The following SYDE2 variants were observed in gnomAD, a reference collection of about 807,000 sequenced individuals.
SYDE2 encodes the protein synapse defective Rho GTPase homolog 2.
In SYDE2, 76 loss-of-function variants were observed where a neutral mutation model predicts 91.5. The observed-to-expected ratio is 0.83, with a 90% confidence interval of 0.69 to 1.01. The LOEUF (loss-of-function observed/expected upper bound fraction) is 1.01, where lower values mean the gene tolerates loss of function less well. SYDE2 is among the 50% of genes least tolerant of loss of function. The pLI is 0.00. For missense variants in SYDE2, 1,364 were observed against 1,367.7 expected (o/e 1.00, Z 0.04); for synonymous variants, 513 against 506.4 (o/e 1.01, Z -0.18).
intron 6 of SYDE2, among the ~76,000 whole-genome samples, chr1:85,163,129 CGG>C (rs1657121393): frequency 6.9e-6 from 1 of 144,806 alleles, no homozygotes; most frequent in African/African-American, 2.6e-5. Context: ...TTTTTTGAGA[CGG>C]AGTCTCACGC....
chr1:85,177,348 CTGCA>C (rs1377609926), intron 4 of SYDE2, among the ~76,000 whole-genome samples: 1 of 152,154 alleles, frequency 6.6e-6, no homozygotes, highest in African/African-American at 2.4e-5. Context: ...CTCTTCTTAG[CTGCA>C]GATGAGCAGT....
At chr1:85,196,606 G>GA (rs1160756285) in intron 1 of SYDE2, among the ~76,000 whole-genome samples, 191 of 108,700 alleles carry the variant, frequency 1.8e-3, no homozygotes, top group Middle Eastern at 4.7e-3. Flanking sequence ...TCCAGAAAAA[G>GA]AAAAAAAAAA....
Position 85,169,243 on chromosome 1 carries a change from C to T in SYDE2, c.2672-18G>A. 6.3e-7 allele frequency: 1 copy of T among 1,597,288 alleles called. No homozygotes were observed. Among genetic ancestry groups the T allele is most frequent in the South Asian group, 1.1e-5 (1 of 88,940 alleles). On this transcript the variant is annotated intron_variant, in intron 4 of 6. Coordinates refer to ENST00000341460, the MANE Select transcript of SYDE2 (RefSeq NM_032184.2). ...AAGAACACCTTTAAAAAACAAACCG[C>T]AGACAGTTGGTGATTGGACTGCAGA...
At chr1:85,170,153 C>A (rs1657453224) in intron 4 of SYDE2, among the ~76,000 whole-genome samples, 1 of 145,564 alleles carries the variant, frequency 6.9e-6, no homozygotes, top group African/African-American at 2.5e-5. Flanking sequence ...GGGTCTCGCT[C>A]CATCACCCAG....
chr1:85,198,287 T>C (rs1052632271), intron 1 of SYDE2, among the ~76,000 whole-genome samples: 3 of 152,204 alleles, frequency 2.0e-5, no homozygotes, highest in Admixed American at 6.5e-5. Context: ...TGACAGCATA[T>C]CTCCATTTTG....
chr1:85,186,322 G>C (rs1658137971), intron 2 of SYDE2, among the ~76,000 whole-genome samples: 2 of 152,070 alleles, frequency 1.3e-5, no homozygotes, highest in South Asian at 4.1e-4. Flanking sequence ...AAATGAGTTA[G>C]GGAGGATTCC....
intron 1 of SYDE2, among the ~76,000 whole-genome samples, chr1:85,198,037 G>C (rs1464486869): frequency 6.6e-6 from 1 of 152,106 alleles, no homozygotes; most frequent in Non-Finnish European, 1.5e-5. Flanking sequence ...TACTTACCCC[G>C]CTATGCCTTG....
At chr1:85,193,670 C>A (rs552326738) in intron 1 of SYDE2, among the ~76,000 whole-genome samples, 1 of 152,050 alleles carries the variant, frequency 6.6e-6, no homozygotes, top group Non-Finnish European at 1.5e-5. Flanking sequence ...GTCACCCAGG[C>A]TGGAGCACAG....
chr1:85,167,541 C>T (rs1296604931), intron 5 of SYDE2, among the ~76,000 whole-genome samples: 1 of 152,100 alleles, frequency 6.6e-6, no homozygotes, highest in Non-Finnish European at 1.5e-5. Context: ...TGTAGCCCTC[C>T]CTGGGCTCAA....
Position 85,182,870 on chromosome 1 carries a change from C to A in SYDE2, c.1772G>T (p.Arg591Leu), listed in dbSNP as rs764194023. ...GGATACACTGGTATCAAGATGGTAT[C>A]GGCTTATAACATTCCTCTTAGCAGC... is the stretch of plus-strand genomic sequence containing the variant. ...TTAAKRNVIS[R>L]YHLDTSVSSQ... Residue 591 changes from arginine to leucine, a missense_variant, in exon 3 of 7, where the codon CGA becomes CTA. Physicochemically the swap from Arg to Leu is moderately radical, Grantham distance 102. Transcript: ENST00000341460. The A allele has an allele frequency of 5.6e-6, 9 of 1,613,408 alleles. No homozygotes were observed. Among genetic ancestry groups the A allele is most frequent in the Non-Finnish European group, 6.8e-6 (8 of 1,179,728 alleles).
intron 1 of SYDE2, among the ~76,000 whole-genome samples, chr1:85,191,988 T>C (rs114429997): frequency 0.027 from 4,136 of 151,252 alleles, 81 homozygotes; most frequent in Non-Finnish European, 0.041. Context: ...AAAACCACAT[T>C]TTAAAAATCT....
chr1:85,198,596 C>T (rs1171223829), intron 1 of SYDE2, among the ~76,000 whole-genome samples: 1 of 149,814 alleles, frequency 6.7e-6, no homozygotes. Context: ...TTAGCAGTTT[C>T]ATTTAATTAG....
At chr1:85,196,014 A>G (rs1658571286) in intron 1 of SYDE2, among the ~76,000 whole-genome samples, 1 of 152,144 alleles carries the variant, frequency 6.6e-6, no homozygotes, top group South Asian at 2.1e-4. Context: ...TCTGTTAACC[A>G]TTGTCCTATA....
chr1:85,187,704 A>C (rs1244569086), intron 2 of SYDE2, among the ~76,000 whole-genome samples: 1 of 151,706 alleles, frequency 6.6e-6, no homozygotes, highest in East Asian at 2.0e-4. Context: ...GGATGAGTTC[A>C]TTTCCTTTGT....
At chr1:85,194,507 A>T (rs1323642576) in intron 1 of SYDE2, among the ~76,000 whole-genome samples, 8 of 148,512 alleles carry the variant, frequency 5.4e-5, no homozygotes, top group South Asian at 4.2e-4. Context: ...AAAATATGTT[A>T]TATATACACA....
intron 5 of SYDE2, among the ~76,000 whole-genome samples, chr1:85,168,407 A>AG (rs1465915530): frequency 6.6e-6 from 1 of 152,176 alleles, no homozygotes; most frequent in African/African-American, 2.4e-5. Flanking sequence ...CATCTAGACA[A>AG]GCCCAGTCAT....
At position 85,171,427 on chromosome 1, in the gene SYDE2, T is replaced by A. The variant is rs148130116; in HGVS notation, c.2672-2202A>T. ...TGGGGCGAGAGGAGAGTGGCAAAAG[T>A]GAGGCCAAGTCGAGGAAAAATGTTT... On this transcript the variant is annotated intron_variant, in intron 4 of 6. Coordinates refer to ENST00000341460, the MANE Select transcript of SYDE2 (RefSeq NM_032184.2). Among the ~76,000 whole-genome samples the A allele has an allele frequency of 3.2e-4, 49 of 152,104 alleles. No individual in the cohort carries two copies. In the East Asian group the frequency reaches 8.5e-3, roughly 26 times the overall value.
intron 1 of SYDE2, among the ~76,000 whole-genome samples, chr1:85,198,815 G>T (rs75903941): frequency 6.7e-6 from 1 of 149,750 alleles, no homozygotes; most frequent in Non-Finnish European, 1.5e-5. Flanking sequence ...CAAAGGGGGG[G>T]AGGTAAAAAT....
intron 2 of SYDE2, among the ~76,000 whole-genome samples, chr1:85,188,176 C>T (rs1658226959): frequency 6.6e-6 from 1 of 152,112 alleles, no homozygotes. Context: ...ATAGCCTTCC[C>T]TATCACTCCA....
Sources: gnomAD v4.1 joint callset for allele counts (sites outside exome capture counted in the v4.1 genomes callset) on GRCh38, gnomAD v4.1.1 for gene constraint, MANE v1.5 for transcripts, NCBI Gene and HGNC (gene_info 2026-07-23, HGNC 2026-07-21) for gene names.